Variants in CATSPERE observed in about 807,000 individuals in gnomAD.
The protein encoded by CATSPERE is catsper channel auxiliary subunit epsilon.
CATSPERE carries 93 observed loss-of-function variants against 114.1 expected under a neutral mutation model. The observed-to-expected ratio is 0.81, with a 90% CI of 0.69 to 0.97. The LOEUF is 0.97. Ranked by LOEUF, CATSPERE falls within the 50% of genes least tolerant of loss-of-function variation. CATSPERE has a pLI of 0.00. For synonymous variants in CATSPERE, 341 were observed against 384.1 expected, an observed-to-expected ratio of 0.89 and a Z score of 1.31; for missense variants, 1,058 against 1,131.6, an observed-to-expected ratio of 0.93 and a Z score of 0.93.
rs116795155 is a variant in CATSPERE at position 244,571,783 on chromosome 1, C to T, written c.1508-547C>T. ...CCTCAGTTCCTGGCTTGTAGACAGT[C>T]GCCGTCTTGCTGTGTCCTCATGTGG... On this transcript the variant is annotated intron_variant, in intron 10 of 21. Coordinates refer to ENST00000366534, the MANE Select transcript of CATSPERE (RefSeq NM_001130957.2). 8.4e-3 allele frequency among the ~76,000 whole-genome samples: 1,278 copies of T among 152,202 alleles called. 24 individuals are homozygous for T. Among genetic ancestry groups the T allele is most frequent in the African/African-American group, 0.027 (1,133 of 41,550 alleles).
chr1:244,546,615 G>A (rs994429380), intron 8 of CATSPERE, among the ~76,000 whole-genome samples: 2 of 152,096 alleles, frequency 1.3e-5, no homozygotes, highest in African/African-American at 2.4e-5. Flanking sequence ...AACAATACAT[G>A]ATCAGAATGA....
At chr1:244,510,720 C>T (rs1675556876) in intron 7 of CATSPERE, among the ~76,000 whole-genome samples, 1 of 149,136 alleles carries the variant, frequency 6.7e-6, no homozygotes, top group African/African-American at 2.5e-5. Context: ...AACTCCCCAG[C>T]TATTATTTTT....
Position 244,593,516 on chromosome 1 carries a change from G to A in CATSPERE, c.2241G>A (p.Trp747Ter). The change falls in exon 17 of 22, where the codon TGG becomes TGA. Residue 747 changes from tryptophan to a stop codon, truncating the protein, a stop_gained. Coordinates refer to ENST00000366534, the MANE Select transcript of CATSPERE (RefSeq NM_001130957.2). LOFTEE classifies it high-confidence loss of function. Reference protein sequence around the residue: ...PSKNLRVRYIWGEYGCPLRLD... With the variant: ...PSKNLRVRYI ...TTTTCTAGAGAGTAAGGTATATTTG[G>A]GGAGAATATGGCTGCCCTCTGAGGC... is the stretch of plus-strand genomic sequence containing the variant. 1 of 1,613,922 alleles carries A rather than the reference G, an allele frequency of 6.2e-7. No homozygotes were observed. The highest frequency in any genetic ancestry group is 8.5e-7 in the Non-Finnish European group (1 of 1,179,908).
At chr1:244,601,181 G>C (rs1197534563) in intron 17 of CATSPERE, among the ~76,000 whole-genome samples, 1 of 151,892 alleles carries the variant, frequency 6.6e-6, no homozygotes, top group Non-Finnish European at 1.5e-5. Context: ...GGTGGAGAGA[G>C]AATTACTGAA....
In CATSPERE at chr1:244,633,376, C is replaced by T. The variant is rs537570933; in HGVS notation, c.2649-2113C>T. Among the ~76,000 whole-genome samples, 2 of 152,168 alleles carry T rather than the reference C, an allele frequency of 1.3e-5. No homozygotes were observed. The highest frequency in any genetic ancestry group is 2.9e-5 in the Non-Finnish European group (2 of 68,036). On this transcript the variant is annotated intron_variant, in intron 20 of 21. Coordinates refer to ENST00000366534, the MANE Select transcript of CATSPERE (RefSeq NM_001130957.2). This position sits in a 1 kb window ranked among gnomAD's most constrained non-coding sequence, Gnocchi z 4.1. ...CATTCTATCAAAGGTCAACTTGGCC[C>T]TCTTTTCAGTCACAATTGCCTCTAC... is the stretch of plus-strand genomic sequence containing the variant.
Position 244,565,286 on chromosome 1 carries a change from T to C in CATSPERE, c.1507+4141T>C, listed in dbSNP as rs1323203019. On this transcript the variant is annotated intron_variant, in intron 10 of 21. Coordinates refer to ENST00000366534, the MANE Select transcript of CATSPERE (RefSeq NM_001130957.2). ...ATAAAATGAATTAGTGAGGAGTCCCTCTTTTTCTGTTGTTTGGAATGGTTT... is the reference window on the plus strand; with the variant it reads ...ATAAAATGAATTAGTGAGGAGTCCCCCTTTTTCTGTTGTTTGGAATGGTTT... 2.0e-5 allele frequency among the ~76,000 whole-genome samples: 3 copies of C among 152,334 alleles called. No individual in the cohort carries two copies. In the South Asian group the frequency reaches 6.2e-4, roughly 32 times the overall value.
intron 5 of CATSPERE, among the ~76,000 whole-genome samples, chr1:244,488,148 TTC>T (rs765870654): frequency 1.3e-5 from 2 of 152,228 alleles, no homozygotes; most frequent in East Asian, 1.9e-4. Flanking sequence ...TGTGACATTT[TTC>T]TGTTTCATCA....
At chr1:244,477,434 T>C (rs1011758749) in intron 2 of CATSPERE, 107 bp from the exon 3 acceptor site, 3 of 672,416 alleles carry the variant, frequency 4.5e-6, no homozygotes, top group Middle Eastern at 3.1e-4. Flanking sequence ...ATTTTAGTTA[T>C]TCTTTCTTTA....
intron 19 of CATSPERE, among the ~76,000 whole-genome samples, chr1:244,615,823 A>G (rs1463163077): frequency 6.6e-6 from 1 of 152,160 alleles, no homozygotes; most frequent in East Asian, 1.9e-4. Flanking sequence ...ACAATTTTCA[A>G]AAATTTCAGG....
intron 8 of CATSPERE, among the ~76,000 whole-genome samples, chr1:244,530,018 G>T (rs548722300): frequency 1.3e-5 from 2 of 152,136 alleles, no homozygotes; most frequent in East Asian, 3.9e-4. Flanking sequence ...CATGATCTTG[G>T]CTCACTGCAA....
At chr1:244,615,566 G>T (rs1207078782) in intron 19 of CATSPERE, among the ~76,000 whole-genome samples, 3 of 151,490 alleles carry the variant, frequency 2.0e-5, no homozygotes, top group African/African-American at 7.3e-5. Flanking sequence ...TGTTACTATA[G>T]TGAATAACGT....
rs926924725 is a variant in CATSPERE, at chr1:244,573,546, G to A, written c.1950+774G>A. On this transcript the variant is annotated intron_variant, in intron 11 of 21. Transcript: ENST00000366534. This position sits in a 1 kb window ranked among gnomAD's most constrained non-coding sequence, Gnocchi z 4.0. Reference sequence around the variant, plus strand: ...ATGTGATGTGGGCATCTGCTAATTCGTCTGCAACTACATGACCTAAGATGG... The same window carrying A: ...ATGTGATGTGGGCATCTGCTAATTCATCTGCAACTACATGACCTAAGATGG... 2.6e-5 allele frequency among the ~76,000 whole-genome samples: 4 copies of A among 152,158 alleles called. No individual in the cohort carries two copies. The highest frequency in any genetic ancestry group is 7.2e-5 in the African/African-American group (3 of 41,440).
chr1:244,572,138 T>A (rs2148575602), intron 10 of CATSPERE, among the ~76,000 whole-genome samples, 192 bp from the exon 11 acceptor site: 1 of 152,346 alleles, frequency 6.6e-6, no homozygotes. Flanking sequence ...AGAAAACTAA[T>A]ACAATGAAGT....
chr1:244,602,777 G>A (rs1196769810), intron 17 of CATSPERE, among the ~76,000 whole-genome samples: 1 of 152,170 alleles, frequency 6.6e-6, no homozygotes, highest in East Asian at 1.9e-4. Context: ...GATATTCTGG[G>A]TGTTTTAAGG....
chr1:244,621,186 T>TA (rs1672220878), intron 20 of CATSPERE, among the ~76,000 whole-genome samples: 1 of 33,864 alleles, frequency 3.0e-5, no homozygotes, highest in African/African-American at 1.4e-4. Context: ...TATATTTATA[T>TA]AGATATATTT....
At chr1:244,452,241 G>A (rs1251044510), upstream of CATSPERE, 1 of 157,518 alleles carries the variant, frequency 6.3e-6, no homozygotes, top group African/African-American at 2.4e-5. Flanking sequence ...GAGAGGCGCG[G>A]AAGCGCGTGT....
At chr1:244,461,542 C>A (rs753065264) in intron 1 of CATSPERE, 48 bp downstream of exon 1, 1 of 1,258,332 alleles carries the variant, frequency 7.9e-7, no homozygotes, top group Admixed American at 4.2e-5. Flanking sequence ...GGATTACCCC[C>A]GGCGGGGCAG....
chr1:244,477,612 A>T lies in CATSPERE; in HGVS notation c.186A>T (p.Lys62Asn). The change falls in exon 3 of 22, where the codon AAA becomes AAT. Residue 62 changes from lysine to asparagine, a missense_variant and splice_region_variant. By Grantham distance (94) the Lys-to-Asn change is moderately conservative (BLOSUM62 0). Around this residue, in one of 2 missense-constraint regions of CATSPERE, gnomAD observed 271 missense variants for 225.9 expected, o/e 1.20. Coordinates refer to ENST00000366534, the MANE Select transcript of CATSPERE (RefSeq NM_001130957.2). ...CAGAAACTTGTTTTGTGCTAAATAAAAGGTAAGATTTATGCCATGAATATC... is the reference window on the plus strand; with the variant it reads ...CAGAAACTTGTTTTGTGCTAAATAATAGGTAAGATTTATGCCATGAATATC... ...SVPETCFVLN[K>N]SSPTTELRCS... 1 of 1,571,780 alleles carries T rather than the reference A, an allele frequency of 6.4e-7. No homozygotes were observed. Among genetic ancestry groups the T allele is most frequent in the African/African-American group, 1.4e-5 (1 of 74,050 alleles).
chr1:244,506,808 C>T (rs1434246796), intron 7 of CATSPERE, among the ~76,000 whole-genome samples: 1 of 151,900 alleles, frequency 6.6e-6, no homozygotes, highest in Non-Finnish European at 1.5e-5. Flanking sequence ...TTCAAATATA[C>T]AATAAATGAT....
Sources: allele counts gnomAD v4.1 joint callset (sites outside exome capture counted in the v4.1 genomes callset), GRCh38; gene constraint gnomAD v4.1.1; regional missense constraint gnomAD v4.1.1; non-coding constraint Gnocchi (gnomAD v3.1); transcripts MANE v1.5; gene names NCBI Gene and HGNC (gene_info 2026-07-23, HGNC 2026-07-21).